FBXL7: variants seen among roughly 807,000 people sequenced by gnomAD.
FBXL7 encodes the protein F-box and leucine rich repeat protein 7.
In FBXL7, 12 loss-of-function variants were observed where a neutral mutation model predicts 38.3. The observed-to-expected ratio is 0.31, with a 90% CI of 0.20 to 0.51. FBXL7 has a LOEUF of 0.51. Among genes scored for constraint, FBXL7 ranks in the 20% least tolerant of loss-of-function variants. FBXL7 has a pLI of 0.98. For missense variants in FBXL7, 567 were observed against 676.4 expected, an observed-to-expected ratio of 0.84 and a Z score of 1.79; for synonymous variants, 297 against 300.9, an observed-to-expected ratio of 0.99 and a Z score of 0.13.
chr5:15,524,427 C>T (rs545923859), intron 1 of FBXL7, among the ~76,000 whole-genome samples: 1 of 152,314 alleles, frequency 6.6e-6, no homozygotes, highest in South Asian at 2.1e-4. Flanking sequence ...ACATTCATTT[C>T]CAATTAGTGG....
intron 2 of FBXL7, among the ~76,000 whole-genome samples, chr5:15,618,445 T>C (rs939931374): frequency 2.6e-5 from 4 of 152,168 alleles, no homozygotes; most frequent in Non-Finnish European, 5.9e-5. Flanking sequence ...AACAAAATAT[T>C]AAAAAACATA....
chr5:15,604,757 T>C (rs1378641869), intron 1 of FBXL7, among the ~76,000 whole-genome samples: 1 of 152,220 alleles, frequency 6.6e-6, no homozygotes, highest in Non-Finnish European at 1.5e-5. Flanking sequence ...GGAATTTCCA[T>C]TTCACATTTT....
chr5:15,734,222 A>G (rs1244623838), intron 2 of FBXL7, among the ~76,000 whole-genome samples: 2 of 151,950 alleles, frequency 1.3e-5, no homozygotes, highest in African/African-American at 4.8e-5. Context: ...ATCCTGCTGC[A>G]CAGGCCTCTT....
intron 1 of FBXL7, among the ~76,000 whole-genome samples, chr5:15,578,359 A>G (rs1205338165): frequency 1.3e-5 from 2 of 152,124 alleles, no homozygotes; most frequent in African/African-American, 4.8e-5. Flanking sequence ...TGTCGCTCCC[A>G]AGAGAGAGAG....
At chr5:15,844,577 G>A (rs1435975888) in intron 2 of FBXL7, among the ~76,000 whole-genome samples, 1 of 152,212 alleles carries the variant, frequency 6.6e-6, no homozygotes, top group Non-Finnish European at 1.5e-5. Flanking sequence ...GCAGGATAAT[G>A]CAGCTACATG....
Position 15,886,620 on chromosome 5 carries a change from A to AGGTTTAT in FBXL7, c.128-41268_128-41267insTTTATGG, listed in dbSNP as rs1473804686. ...GTTATCCCTACTTGGCCCCTTCCTG[A>AGGTTTAT]GGCTGGTTTATGGATGGTTATCCTG... On this transcript the variant is annotated intron_variant, in intron 2 of 3. Coordinates refer to ENST00000504595, the MANE Select transcript of FBXL7 (RefSeq NM_012304.5). 3.9e-5 allele frequency among the ~76,000 whole-genome samples: 6 copies of AGGTTTAT among 152,258 alleles called. No homozygotes were observed. In the East Asian group the frequency reaches 5.8e-4, roughly 15 times the overall value.
At chr5:15,510,410 A>T (rs576505299) in intron 1 of FBXL7, among the ~76,000 whole-genome samples, 141 of 152,284 alleles carry the variant, frequency 9.3e-4, no homozygotes, top group Non-Finnish European at 1.6e-3. Flanking sequence ...TGTGAAGTTG[A>T]ACCTTTTGGT....
intron 2 of FBXL7, among the ~76,000 whole-genome samples, chr5:15,736,885 A>G (rs1033842331): frequency 1.3e-5 from 2 of 152,208 alleles, no homozygotes. Flanking sequence ...GACTACTGAG[A>G]GTTGGACCTA....
intron 1 of FBXL7, among the ~76,000 whole-genome samples, chr5:15,566,347 A>G (rs940724452): frequency 6.6e-6 from 1 of 152,176 alleles, no homozygotes; most frequent in Admixed American, 6.6e-5. Flanking sequence ...CCTTTCAATT[A>G]TAAGTTGAGT....
At chr5:15,853,510 C>A (rs1739163423) in intron 2 of FBXL7, among the ~76,000 whole-genome samples, 1 of 151,984 alleles carries the variant, frequency 6.6e-6, no homozygotes, top group African/African-American at 2.4e-5. Flanking sequence ...AACATCTATT[C>A]CTGGGACCTT....
intron 2 of FBXL7, among the ~76,000 whole-genome samples, chr5:15,675,558 G>T (rs1397841345): frequency 6.6e-6 from 1 of 152,192 alleles, no homozygotes; most frequent in African/African-American, 2.4e-5. Flanking sequence ...ATTTTGCATG[G>T]ATTGGGAAGA....
chr5:15,768,521 A>T (rs373169157), intron 2 of FBXL7, among the ~76,000 whole-genome samples: 72 of 148,744 alleles, frequency 4.8e-4, no homozygotes, highest in African/African-American at 1.8e-3. Context: ...ACGGAGCGAG[A>T]CTCTGTCTCA....
chr5:15,868,906 T>C (rs1021037724), intron 2 of FBXL7, among the ~76,000 whole-genome samples: 1 of 152,124 alleles, frequency 6.6e-6, no homozygotes, highest in Non-Finnish European at 1.5e-5. Flanking sequence ...TATATAAGAG[T>C]TAACTATCGC....
chr5:15,688,818 G>A (rs17602097), intron 2 of FBXL7, among the ~76,000 whole-genome samples: 13,590 of 152,188 alleles, frequency 0.089, 746 homozygotes, highest in South Asian at 0.15. Context: ...GGCTGACTCC[G>A]TAACCCAGTA....
intron 1 of FBXL7, among the ~76,000 whole-genome samples, chr5:15,556,518 C>T (rs556824726): frequency 6.6e-5 from 10 of 152,220 alleles, no homozygotes; most frequent in African/African-American, 2.4e-4. Context: ...TCTGGGCGTC[C>T]CGTGGTCCAG....
At chr5:15,599,913 G>T (rs1233523738) in intron 1 of FBXL7, among the ~76,000 whole-genome samples, 2 of 151,732 alleles carry the variant, frequency 1.3e-5, no homozygotes, top group Non-Finnish European at 2.9e-5. Flanking sequence ...CATAGCCTCT[G>T]CTTAGAAGCC....
At chr5:15,566,520 G>T (rs923069275) in intron 1 of FBXL7, among the ~76,000 whole-genome samples, 1 of 152,120 alleles carries the variant, frequency 6.6e-6, no homozygotes, top group African/African-American at 2.4e-5. Flanking sequence ...AGGCGTGATT[G>T]CAGGGGACAT....
intron 1 of FBXL7, among the ~76,000 whole-genome samples, chr5:15,523,988 A>AG (rs1737179897): frequency 6.6e-6 from 1 of 152,234 alleles, no homozygotes; most frequent in Non-Finnish European, 1.5e-5. Flanking sequence ...TTAAGATGAC[A>AG]GTTCATTTGC....
chr5:15,565,740 A>C (rs1738550547), intron 1 of FBXL7, among the ~76,000 whole-genome samples: 1 of 152,112 alleles, frequency 6.6e-6, no homozygotes, highest in African/African-American at 2.4e-5. Context: ...TTTCAGTTCA[A>C]GTGTGAAGGC....
Sources: allele counts gnomAD v4.1 joint callset (sites outside exome capture counted in the v4.1 genomes callset), GRCh38; gene constraint gnomAD v4.1.1; transcripts MANE v1.5; gene names NCBI Gene and HGNC (gene_info 2026-07-23, HGNC 2026-07-21).